The following CDKAL1 variants were observed in gnomAD, a reference collection of about 807,000 sequenced individuals.
CDKAL1 encodes threonylcarbamoyladenosine tRNA methylthiotransferase.
Under a neutral mutation model 68.2 loss-of-function variants are expected in CDKAL1, and 32 were observed. That is an observed-to-expected ratio of 0.47 (90% CI 0.35 to 0.63). The LOEUF is 0.63. Ranked by LOEUF, CDKAL1 falls within the 30% of genes least tolerant of loss-of-function variation. The pLI is 0.00. For missense variants in CDKAL1, 606 were observed against 696.7 expected, an observed-to-expected ratio of 0.87 and a Z score of 1.47; for synonymous variants, 234 against 244.3, an observed-to-expected ratio of 0.96 and a Z score of 0.39.
In CDKAL1 at chr6:21,000,373, G is replaced by T; in HGVS notation, c.1055+1G>T. ...GAGTAGTGGATTTTCTGAAAGAGAA[G>T]TAAGTCTGTTAGTACTTAAGAAAAT... On this transcript the variant is annotated splice_donor_variant, in intron 11 of 15. Transcript: ENST00000274695. LOFTEE classifies it high-confidence loss of function. The T allele has an allele frequency of 6.2e-7, 1 of 1,611,680 alleles. No individual in the cohort carries two copies. The highest frequency in any genetic ancestry group is 8.5e-7 in the Non-Finnish European group (1 of 1,178,470).
At chr6:20,865,241 T>A (rs1441834681) in intron 9 of CDKAL1, among the ~76,000 whole-genome samples, 2 of 152,120 alleles carry the variant, frequency 1.3e-5, no homozygotes, top group Non-Finnish European at 2.9e-5. Flanking sequence ...TCAGGGAAAA[T>A]GTTGGGCTTA....
At chr6:20,942,366 C>CTT (rs70990083) in intron 9 of CDKAL1, among the ~76,000 whole-genome samples, 2 of 124,872 alleles carry the variant, frequency 1.6e-5, no homozygotes, top group African/African-American at 6.0e-5. Flanking sequence ...TATATATATA[C>CTT]TTTTTTTTTT....
chr6:20,980,187 A>T (rs1461664298), intron 10 of CDKAL1, among the ~76,000 whole-genome samples: 2 of 145,892 alleles, frequency 1.4e-5, no homozygotes, highest in African/African-American at 2.5e-5. Flanking sequence ...AAGCCTCCAA[A>T]GATAGATAGA....
At chr6:20,711,288 C>T (rs1329624175) in intron 5 of CDKAL1, among the ~76,000 whole-genome samples, 2 of 152,124 alleles carry the variant, frequency 1.3e-5, no homozygotes, top group East Asian at 1.9e-4. Flanking sequence ...CCCAATATTT[C>T]GAGTATGTCA....
chr6:20,681,666 A>C lies in CDKAL1; in HGVS notation c.371+32289A>C, dbSNP rs372803260. Among the ~76,000 whole-genome samples, 128 of 152,172 alleles carry C rather than the reference A, an allele frequency of 8.4e-4. 1 individual carries two copies. In the South Asian group the frequency reaches 0.026, roughly 31 times the overall value. ...TAGATGGTCTTGGTGGGGAATTGCA[A>C]AGTGGTGGCAGCAGGAAAGCACTTG... On this transcript the variant is annotated intron_variant, in intron 5 of 15. Coordinates refer to ENST00000274695, the MANE Select transcript of CDKAL1 (RefSeq NM_017774.3).
chr6:20,816,983 G>A (rs1273297447), intron 8 of CDKAL1, among the ~76,000 whole-genome samples: 1 of 152,084 alleles, frequency 6.6e-6, no homozygotes, highest in Non-Finnish European at 1.5e-5. Context: ...GGCAGGGTTT[G>A]GAAGAACACC....
At chr6:20,543,805 T>C (rs9350255) in intron 2 of CDKAL1, among the ~76,000 whole-genome samples, 121,368 of 147,736 alleles carry the variant, frequency 0.82, 50,445 homozygotes, top group African/African-American at 0.95. Flanking sequence ...GGTACAATCT[T>C]GGCTTACTGC....
At chr6:21,111,611 T>C (rs1361112325) in intron 13 of CDKAL1, among the ~76,000 whole-genome samples, 1 of 152,210 alleles carries the variant, frequency 6.6e-6, no homozygotes, top group Non-Finnish European at 1.5e-5. Flanking sequence ...AGGTTGTAAA[T>C]GGTCAGTTGG....
At chr6:20,943,688 C>T (rs956287495) in intron 9 of CDKAL1, among the ~76,000 whole-genome samples, 19 of 151,492 alleles carry the variant, frequency 1.3e-4, no homozygotes, top group Admixed American at 2.6e-4. Flanking sequence ...TTTTTTTAAA[C>T]GCATAGACCA....
At chr6:20,582,612 T>G (rs1036941497) in intron 4 of CDKAL1, among the ~76,000 whole-genome samples, 1 of 152,192 alleles carries the variant, frequency 6.6e-6, no homozygotes, top group Non-Finnish European at 1.5e-5. Context: ...TTGAATCTAT[T>G]TACGTTGTGG....
chr6:20,742,787 T>G (rs1773512690), intron 6 of CDKAL1, among the ~76,000 whole-genome samples: 1 of 152,072 alleles, frequency 6.6e-6, no homozygotes, highest in Non-Finnish European at 1.5e-5. Context: ...TTACCAGCAT[T>G]ACATATTATT....
chr6:20,686,951 T>C (rs1213913954), intron 5 of CDKAL1, among the ~76,000 whole-genome samples: 1 of 152,210 alleles, frequency 6.6e-6, no homozygotes, highest in African/African-American at 2.4e-5. Flanking sequence ...ATTGCTATGA[T>C]TATGTGATTT....
At chr6:21,182,766 A>G (rs1434652913) in intron 13 of CDKAL1, among the ~76,000 whole-genome samples, 1 of 152,192 alleles carries the variant, frequency 6.6e-6, no homozygotes, top group Non-Finnish European at 1.5e-5. Flanking sequence ...GGCATATCCT[A>G]TTTATCACTT....
chr6:20,636,854 T>A (rs911484149), intron 4 of CDKAL1, among the ~76,000 whole-genome samples: 27 of 151,858 alleles, frequency 1.8e-4, no homozygotes, highest in Non-Finnish European at 3.7e-4. Context: ...CTGGCCAACA[T>A]GGTGAAACCC....
chr6:20,921,104 A>T (rs897218271), intron 9 of CDKAL1, among the ~76,000 whole-genome samples: 2 of 152,166 alleles, frequency 1.3e-5, no homozygotes, highest in Admixed American at 6.5e-5. Flanking sequence ...TACACACCCC[A>T]GCCAGCCAGG....
At chr6:21,136,998 C>A (rs1775637972) in intron 13 of CDKAL1, among the ~76,000 whole-genome samples, 1 of 152,302 alleles carries the variant, frequency 6.6e-6, no homozygotes, top group African/African-American at 2.4e-5. Context: ...CAGCCCCGAC[C>A]AGCGTCTACC....
At chr6:20,588,218 C>T (rs1028571918) in intron 4 of CDKAL1, among the ~76,000 whole-genome samples, 5 of 152,180 alleles carry the variant, frequency 3.3e-5, no homozygotes, top group Non-Finnish European at 7.4e-5. Flanking sequence ...AAGGCTGATC[C>T]TTGATTCCCT....
intron 5 of CDKAL1, among the ~76,000 whole-genome samples, chr6:20,735,311 G>A (rs1369006927): frequency 6.6e-6 from 1 of 151,866 alleles, no homozygotes; most frequent in Non-Finnish European, 1.5e-5. Flanking sequence ...TTAAAAAAAA[G>A]AGGTTTAATT....
intron 4 of CDKAL1, among the ~76,000 whole-genome samples, chr6:20,591,794 G>A (rs1238445801): frequency 6.6e-6 from 1 of 152,168 alleles, no homozygotes; most frequent in African/African-American, 2.4e-5. Context: ...ATTGTTTGAA[G>A]TCAGGTAGCC....
Sources: gnomAD v4.1 joint callset for allele counts (sites outside exome capture counted in the v4.1 genomes callset) on GRCh38, gnomAD v4.1.1 for gene constraint, MANE v1.5 for transcripts, NCBI Gene and HGNC (gene_info 2026-07-23, HGNC 2026-07-21) for gene names.